Variants in GCNT2 observed in about 807,000 individuals in gnomAD.
The protein encoded by GCNT2 is N-acetyllactosaminide beta-1,6-N-acetylglucosaminyl-transferase.
In GCNT2, 34 loss-of-function variants were observed where a neutral mutation model predicts 34.2. The ratio of observed to expected loss-of-function variants is 1.00; its 90% CI spans 0.76 to 1.32. The LOEUF (loss-of-function observed/expected upper bound fraction) is 1.32, where lower values mean the gene tolerates loss of function less well. GCNT2 is among the 40% of genes most tolerant of loss of function. GCNT2 has a pLI of 0.00. For missense variants in GCNT2, 584 were observed against 489.4 expected (o/e 1.19, Z -1.82); for synonymous variants, 212 against 188.0 (o/e 1.13, Z -1.04).
At chr6:10,596,477 C>CAT in intron 3 of GCNT2, among the ~76,000 whole-genome samples, 1 of 151,664 alleles carries the variant, frequency 6.6e-6, no homozygotes, top group Non-Finnish European at 1.5e-5. Context: ...GCTGAGATTG[C>CAT]GCCACTGCAC....
At chr6:10,616,257 G>A (rs923065616) in intron 3 of GCNT2, among the ~76,000 whole-genome samples, 1 of 152,182 alleles carries the variant, frequency 6.6e-6, no homozygotes, top group African/African-American at 2.4e-5. Context: ...CTGGCTTCAG[G>A]AGTAAAGTTG....
rs556363760 is a variant in GCNT2 at position 10,538,008 on chromosome 6, GTA to G, written c.925+8174_925+8175del. On this transcript the variant is annotated intron_variant, in intron 3 of 4. Coordinates refer to ENST00000495262, the MANE Select transcript of GCNT2 (RefSeq NM_145649.5). ...CTGCCACTGCTAGCATCATGAGAGA[GTA>G]TCCTACCGCACCTCGTTAGCCTGGG... Among the ~76,000 whole-genome samples, 46 of 152,178 alleles carry G rather than the reference GTA, an allele frequency of 3.0e-4. No homozygotes were observed. The East Asian group carries it at 8.7e-3, about 29-fold the overall frequency.
At chr6:10,589,189 A>G (rs150490588) in intron 3 of GCNT2, among the ~76,000 whole-genome samples, 6 of 79,860 alleles carry the variant, frequency 7.5e-5, no homozygotes, top group Admixed American at 1.3e-4. Context: ...TATGTGCGTC[A>G]TGTGTGTATG....
chr6:10,577,367 C>G (rs1188650329), intron 3 of GCNT2, among the ~76,000 whole-genome samples: 1 of 152,148 alleles, frequency 6.6e-6, no homozygotes, highest in Non-Finnish European at 1.5e-5. Context: ...GGAGCTCAGC[C>G]ACAAAGTGAG....
At chr6:10,556,579 C>T in intron 3 of GCNT2, 2 of 1,614,130 alleles carry the variant, frequency 1.2e-6, no homozygotes, top group Non-Finnish European at 1.7e-6. Context: ...CATCTTTTAT[C>T]AATGGAAAAA....
At position 10,556,041 on chromosome 6, in the gene GCNT2, G is replaced by T. The variant is rs1762684262; in HGVS notation, c.925+26205G>T. The T allele has an allele frequency of 4.4e-6, 5 of 1,145,212 alleles. No homozygotes were observed. In the African/African-American group the frequency reaches 8.2e-5, roughly 19 times the overall value. 70.9% of individuals were successfully genotyped at this position (1,145,212 alleles called of 1,614,324 possible). ...ATTCCCTGAATGGCAGTAACCAGGGGGCGGGGGTGGCATGGGAAATGAAAG... is the reference window on the plus strand; with the variant it reads ...ATTCCCTGAATGGCAGTAACCAGGGTGCGGGGGTGGCATGGGAAATGAAAG... On this transcript the variant is annotated intron_variant, in intron 3 of 4. Transcript: ENST00000495262.
chr6:10,590,040 C>G (rs1764563421), intron 3 of GCNT2, among the ~76,000 whole-genome samples: 1 of 152,180 alleles, frequency 6.6e-6, no homozygotes, highest in Non-Finnish European at 1.5e-5. Flanking sequence ...AGAACTCTTG[C>G]TGATAGAACA....
At chr6:10,617,798 A>G (rs939261755) in intron 3 of GCNT2, among the ~76,000 whole-genome samples, 2 of 131,206 alleles carry the variant, frequency 1.5e-5, no homozygotes, top group African/African-American at 6.3e-5. Context: ...TCTGTTGCCC[A>G]GGCTGGAGTG....
chr6:10,615,085 G>A (rs189057170), intron 3 of GCNT2, among the ~76,000 whole-genome samples: 4 of 152,186 alleles, frequency 2.6e-5, no homozygotes, highest in African/African-American at 9.7e-5. Context: ...AGAAGATTTT[G>A]AGTGAGAATA....
At chr6:10,524,090 T>C (rs1761069517) in intron 1 of GCNT2, among the ~76,000 whole-genome samples, 1 of 151,618 alleles carries the variant, frequency 6.6e-6, no homozygotes, top group African/African-American at 2.4e-5. Context: ...GCCTGCGAGA[T>C]CCATGCTGGA....
At chr6:10,538,408 C>CAAAAAAAAAAAAAA (rs70991023) in intron 3 of GCNT2, among the ~76,000 whole-genome samples, 1 of 40,182 alleles carries the variant, frequency 2.5e-5, no homozygotes, top group Non-Finnish European at 4.3e-5. Context: ...GACTCCGTCT[C>CAAAAAAAAAAAAAA]AAAAAAAAAA....
At chr6:10,546,184 A>G (rs1762256015) in intron 3 of GCNT2, among the ~76,000 whole-genome samples, 1 of 152,156 alleles carries the variant, frequency 6.6e-6, no homozygotes, top group Admixed American at 6.6e-5. Context: ...GGCAAAACCC[A>G]GGACAGTTGA....
intron 3 of GCNT2, among the ~76,000 whole-genome samples, chr6:10,561,265 C>G (rs921208002): frequency 1.3e-5 from 2 of 152,114 alleles, no homozygotes; most frequent in African/African-American, 4.8e-5. Flanking sequence ...TGGGTTCAAG[C>G]GATTCTCCTG....
At chr6:10,533,285 G>T (rs559490851) in intron 3 of GCNT2, among the ~76,000 whole-genome samples, 1 of 151,960 alleles carries the variant, frequency 6.6e-6, no homozygotes, top group Non-Finnish European at 1.5e-5. Flanking sequence ...GCGTCTGGGC[G>T]ACAGAGTGAG....
At chr6:10,580,883 A>T (rs1371176606) in intron 3 of GCNT2, among the ~76,000 whole-genome samples, 1 of 152,102 alleles carries the variant, frequency 6.6e-6, no homozygotes, top group Non-Finnish European at 1.5e-5. Flanking sequence ...TGAGATGATG[A>T]TGTGTTGTTA....
chr6:10,615,440 G>A (rs776260939), intron 3 of GCNT2, among the ~76,000 whole-genome samples: 3 of 151,994 alleles, frequency 2.0e-5, no homozygotes, highest in East Asian at 1.9e-4. Context: ...TCAGTCTCCC[G>A]AACACCTGGG....
intron 3 of GCNT2, among the ~76,000 whole-genome samples, chr6:10,577,384 G>A (rs1285074568): frequency 2.6e-5 from 4 of 152,154 alleles, no homozygotes; most frequent in African/African-American, 9.7e-5. Context: ...TGAGCAGAGT[G>A]GGATCTGTCA....
At chr6:10,554,535 G>T (rs963957587) in intron 3 of GCNT2, among the ~76,000 whole-genome samples, 1 of 152,124 alleles carries the variant, frequency 6.6e-6, no homozygotes, top group East Asian at 1.9e-4. Flanking sequence ...TATGTGCACC[G>T]AATGCTTTGT....
chr6:10,568,406 C>T (rs1056043378), intron 3 of GCNT2, among the ~76,000 whole-genome samples: 3 of 152,114 alleles, frequency 2.0e-5, no homozygotes, highest in African/African-American at 7.2e-5. Context: ...AGTTTTCTAG[C>T]AAGTTCTACC....
Sources: gnomAD v4.1 joint callset for allele counts (sites outside exome capture counted in the v4.1 genomes callset) on GRCh38, gnomAD v4.1.1 for gene constraint, MANE v1.5 for transcripts, NCBI Gene and HGNC (gene_info 2026-07-23, HGNC 2026-07-21) for gene names.